Variants in RALYL observed in about 807,000 individuals in gnomAD.
The protein encoded by RALYL is RALY RNA binding protein like.
RALYL carries 29 observed loss-of-function variants against 35.1 expected under a neutral mutation model. That is an observed-to-expected ratio of 0.83 (90% CI 0.61 to 1.13). The LOEUF (loss-of-function observed/expected upper bound fraction) is 1.13, where lower values mean the gene tolerates loss of function less well. Ranked by LOEUF, RALYL falls within the 50% of genes most tolerant of loss-of-function variation. RALYL has a pLI of 0.00. For synonymous variants in RALYL, 120 were observed against 127.6 expected (o/e 0.94, Z 0.40); for missense variants, 359 against 360.4 (o/e 1.00, Z 0.03).
chr8:84,316,768 C>T (rs763135197), intron 1 of RALYL, among the ~76,000 whole-genome samples: 15 of 151,896 alleles, frequency 9.9e-5, no homozygotes, highest in East Asian at 1.9e-4. Context: ...CTATTCTGAC[C>T]GAGTAAGAAA....
At chr8:84,259,541 A>G (rs769992289) in intron 1 of RALYL, among the ~76,000 whole-genome samples, 1 of 152,192 alleles carries the variant, frequency 6.6e-6, no homozygotes, top group Non-Finnish European at 1.5e-5. Flanking sequence ...CCAGAATACA[A>G]TCTTCCTCAT....
At chr8:84,613,639 T>C (rs1231649922) in intron 2 of RALYL, among the ~76,000 whole-genome samples, 1 of 151,428 alleles carries the variant, frequency 6.6e-6, no homozygotes, top group Non-Finnish European at 1.5e-5. Context: ...GTAGATATAA[T>C]AGGTAATATC....
chr8:84,233,198 T>C (rs1053896218), intron 1 of RALYL, among the ~76,000 whole-genome samples: 3 of 152,144 alleles, frequency 2.0e-5, no homozygotes, highest in Admixed American at 2.0e-4. Flanking sequence ...TTGCCCAGGT[T>C]GGTGTCAAAC....
intron 1 of RALYL, among the ~76,000 whole-genome samples, chr8:84,335,153 A>G (rs1307447248): frequency 6.6e-6 from 1 of 152,104 alleles, no homozygotes; most frequent in Non-Finnish European, 1.5e-5. Context: ...ACTAAGTTCA[A>G]AGAATACTCT....
intron 4 of RALYL, among the ~76,000 whole-genome samples, chr8:84,815,529 T>TTAACATTTTTTAAGATGTTAA (rs1375316958): frequency 4.5e-4 from 68 of 151,018 alleles, no homozygotes; most frequent in African/African-American, 1.5e-3. Context: ...CTTGCCCATC[T>TTAACATTTTTTAAGATGTTAA]TAACATTTTT....
intron 1 of RALYL, among the ~76,000 whole-genome samples, chr8:84,332,874 G>T (rs1473114222): frequency 6.6e-6 from 1 of 152,088 alleles, no homozygotes; most frequent in Non-Finnish European, 1.5e-5. Flanking sequence ...ATCCAGAAGT[G>T]AACCCAGACA....
At chr8:84,701,798 A>G (rs947116007) in intron 2 of RALYL, among the ~76,000 whole-genome samples, 1 of 152,044 alleles carries the variant, frequency 6.6e-6, no homozygotes, top group African/African-American at 2.4e-5. Flanking sequence ...AACTGGATTC[A>G]CCCCTCCTAG....
At chr8:84,494,036 G>C (rs1486891892) in intron 1 of RALYL, among the ~76,000 whole-genome samples, 3 of 152,100 alleles carry the variant, frequency 2.0e-5, no homozygotes, top group East Asian at 3.9e-4. Context: ...TATGGTTTTG[G>C]GTTTTACCTT....
At chr8:84,663,441 C>T (rs1261591876) in intron 2 of RALYL, among the ~76,000 whole-genome samples, 4 of 152,074 alleles carry the variant, frequency 2.6e-5, no homozygotes, top group Non-Finnish European at 1.5e-5. Context: ...TACACTCCCA[C>T]CAACAAAAGT....
intron 1 of RALYL, among the ~76,000 whole-genome samples, chr8:84,372,886 G>GTTTTTTTTTTTTTTTTTTTTTTTTTTTT (rs76885544): frequency 1.3e-4 from 5 of 39,074 alleles, no homozygotes; most frequent in Non-Finnish European, 1.8e-4. Flanking sequence ...GCCAGCATCT[G>GTTTTTTTTTTTTTTTTTTTTTTTTTTTT]TTTTTTTTTT....
At chr8:84,629,681 T>C (rs1291974978) in intron 2 of RALYL, among the ~76,000 whole-genome samples, 1 of 151,878 alleles carries the variant, frequency 6.6e-6, no homozygotes, top group Non-Finnish European at 1.5e-5. Flanking sequence ...ATAGAGCATA[T>C]ATTTGTGTGT....
At chr8:84,611,381 T>G (rs1818277032) in intron 2 of RALYL, among the ~76,000 whole-genome samples, 1 of 152,130 alleles carries the variant, frequency 6.6e-6, no homozygotes, top group African/African-American at 2.4e-5. Context: ...CATCCCATTT[T>G]CTCTAGGACT....
At chr8:84,192,793 T>A (rs545269989) in intron 1 of RALYL, among the ~76,000 whole-genome samples, 2 of 151,228 alleles carry the variant, frequency 1.3e-5, no homozygotes, top group East Asian at 3.9e-4. Flanking sequence ...CCTGACCTCG[T>A]GATCTGCCTG....
Position 84,764,663 on chromosome 8 carries a change from A to T in RALYL, c.257-9916A>T, listed in dbSNP as rs565582066. On this transcript the variant is annotated intron_variant, in intron 2 of 8. Coordinates refer to ENST00000521268, the MANE Select transcript of RALYL (RefSeq NM_173848.7). ...CCAATGATCTCTACATTAGCATTCT[A>T]ATAACCAGAGGCCAACGTGCCATAG... Among the ~76,000 whole-genome samples, 4 of 152,320 alleles carry T rather than the reference A, an allele frequency of 2.6e-5. No individual in the cohort carries two copies. The South Asian group carries it at 8.3e-4, about 32-fold the overall frequency.
chr8:84,424,495 A>G (rs2046093529), intron 1 of RALYL, among the ~76,000 whole-genome samples: 1 of 148,388 alleles, frequency 6.7e-6, no homozygotes, highest in Admixed American at 6.7e-5. Context: ...TTCGGTTTGA[A>G]TGTCCTTCCA....
chr8:84,272,525 A>G (rs183462335), intron 1 of RALYL, among the ~76,000 whole-genome samples: 3 of 152,342 alleles, frequency 2.0e-5, no homozygotes, highest in Admixed American at 6.5e-5. Context: ...ACTTACTGTG[A>G]TGGAATATCT....
intron 1 of RALYL, among the ~76,000 whole-genome samples, chr8:84,281,607 A>G (rs1836577291): frequency 6.6e-6 from 1 of 151,764 alleles, no homozygotes; most frequent in Non-Finnish European, 1.5e-5. Flanking sequence ...GTTTGGGAAA[A>G]CTCAGCAGAA....
At chr8:84,805,682 CTG>C (rs1824419710) in intron 4 of RALYL, among the ~76,000 whole-genome samples, 1 of 152,134 alleles carries the variant, frequency 6.6e-6, no homozygotes, top group Non-Finnish European at 1.5e-5. Context: ...GAGCAAGACT[CTG>C]TCCCAAAAAG....
chr8:84,862,207 C>T, intron 5 of RALYL, 89 bp from the exon 6 acceptor site: 3 of 1,107,536 alleles, frequency 2.7e-6, no homozygotes, highest in East Asian at 3.0e-5. Flanking sequence ...TTGAAATTTT[C>T]TACCAGGACA....
Sources: allele counts gnomAD v4.1 joint callset (sites outside exome capture counted in the v4.1 genomes callset), GRCh38; gene constraint gnomAD v4.1.1; transcripts MANE v1.5; gene names NCBI Gene and HGNC (gene_info 2026-07-23, HGNC 2026-07-21).